MRTFA: variants seen among roughly 807,000 people sequenced by gnomAD.
MRTFA encodes the protein myocardin related transcription factor A.
MRTFA carries 20 observed loss-of-function variants against 83.5 expected under a neutral mutation model. The observed-to-expected ratio is 0.24, with a 90% CI of 0.17 to 0.35. The LOEUF is 0.35. Among genes scored for constraint, MRTFA ranks in the 10% least tolerant of loss-of-function variants. The pLI is 1.00. For missense variants in MRTFA, 1,200 were observed against 1,224.7 expected (o/e 0.98, Z 0.30); for synonymous variants, 659 against 541.2 (o/e 1.22, Z -3.02).
chr22:40,446,271 A>G (rs1225343240), intron 4 of MRTFA, among the ~76,000 whole-genome samples: 1 of 152,212 alleles, frequency 6.6e-6, no homozygotes, highest in Non-Finnish European at 1.5e-5. Flanking sequence ...ATTTTTACAA[A>G]ATTGATTTTT....
At chr22:40,494,803 A>C (rs1325861793) in intron 3 of MRTFA, among the ~76,000 whole-genome samples, 2 of 152,208 alleles carry the variant, frequency 1.3e-5, no homozygotes, top group Admixed American at 6.5e-5. Context: ...CTATTATGCT[A>C]AAAGAAGCCA....
rs746175814 is a variant in MRTFA at position 40,610,932 on chromosome 22, C to CTT, written c.-83-16199_-83-16198dup. ...CACCAAAGAGAGTTGTTTTCTTTTA[C>CTT]TTTTTTTTTTTTTTTTTTTTTTTGA... On this transcript the variant is annotated intron_variant, in intron 1 of 14. Coordinates refer to ENST00000355630, the MANE Select transcript of MRTFA (RefSeq NM_020831.6). Among the ~76,000 whole-genome samples, 310 of 108,242 alleles carry CTT rather than the reference C, an allele frequency of 2.9e-3. 3 individuals are homozygous for CTT. Among genetic ancestry groups the CTT allele is most frequent in the Middle Eastern group, 0.018 (3 of 168 alleles). The allele number at this position is 108,242 out of a possible 152,430, so 71.0% of individuals were successfully genotyped here. A position where few individuals can be genotyped will look rare whatever the true frequency, so the allele number is the denominator to read the frequency against.
chr22:40,503,426 G>A (rs771266132), intron 3 of MRTFA, among the ~76,000 whole-genome samples: 7 of 152,154 alleles, frequency 4.6e-5, no homozygotes, highest in Non-Finnish European at 1.0e-4. Flanking sequence ...GGCTGGGATG[G>A]TCTCGAACCC....
At chr22:40,447,865 T>C (rs533145281) in intron 4 of MRTFA, among the ~76,000 whole-genome samples, 3 of 152,286 alleles carry the variant, frequency 2.0e-5, no homozygotes, top group South Asian at 2.1e-4. Flanking sequence ...TATTTACATA[T>C]ATTTCATCAA....
chr22:40,608,380 T>C (rs6001980), intron 1 of MRTFA, among the ~76,000 whole-genome samples: 15,545 of 152,144 alleles, frequency 0.1, 945 homozygotes, highest in East Asian at 0.25. Context: ...GGTTAGACAA[T>C]TTGTTCAGTA....
intron 4 of MRTFA, among the ~76,000 whole-genome samples, chr22:40,458,001 C>G (rs2053627058): frequency 6.6e-6 from 1 of 152,142 alleles, no homozygotes; most frequent in African/African-American, 2.4e-5. Flanking sequence ...CCTTGTACAC[C>G]TTTAAACATC....
chr22:40,475,340 C>A (rs930607298), intron 3 of MRTFA, among the ~76,000 whole-genome samples: 3 of 151,820 alleles, frequency 2.0e-5, no homozygotes, highest in Non-Finnish European at 4.4e-5. Context: ...GAGTTCGAGA[C>A]CAGCCTGGCC....
chr22:40,429,233 C>T (rs941671798), intron 7 of MRTFA: 25 of 591,768 alleles, frequency 4.2e-5, no homozygotes, highest in Admixed American at 3.0e-4. Flanking sequence ...GAAGAGACTT[C>T]ACTAATAAAG....
intron 1 of MRTFA, among the ~76,000 whole-genome samples, chr22:40,635,962 G>A (rs950601134): frequency 1.3e-5 from 2 of 152,126 alleles, no homozygotes; most frequent in Admixed American, 1.3e-4. Flanking sequence ...TTTCTTAGGA[G>A]GTAAAGTTCT....
intron 2 of MRTFA, among the ~76,000 whole-genome samples, chr22:40,585,151 G>C (rs1008001223): frequency 6.6e-6 from 1 of 152,222 alleles, no homozygotes; most frequent in Non-Finnish European, 1.5e-5. Flanking sequence ...GAAGGGAAGA[G>C]GAAACAAGGC....
intron 5 of MRTFA, 63 bp from the exon 6 acceptor site, chr22:40,431,543 A>T: frequency 6.7e-7 from 1 of 1,486,728 alleles, no homozygotes; most frequent in Non-Finnish European, 9.4e-7. Flanking sequence ...CATGGACAGG[A>T]TCACAACAGC....
At chr22:40,631,407 G>A (rs112228276) in intron 1 of MRTFA, among the ~76,000 whole-genome samples, 91 of 152,236 alleles carry the variant, frequency 6.0e-4, no homozygotes, top group African/African-American at 2.1e-3. Context: ...GCAACAATAT[G>A]AAGCAGGCCC....
chr22:40,471,220 A>T lies in MRTFA; in HGVS notation c.242-7934T>A, dbSNP rs1260080098. Among the ~76,000 whole-genome samples the T allele has an allele frequency of 1.4e-3, 8 of 5,738 alleles. No individual in the cohort carries two copies. The East Asian group carries it at 0.023, about 16-fold the overall frequency. 3.8% of individuals were successfully genotyped at this position (5,738 alleles called of 152,430 possible). A position where few individuals can be genotyped will look rare whatever the true frequency, so the allele number is the denominator to read the frequency against. ...AACATGACAAAGCCCTGTTTCTATTAAAAAAAAAAAAAAAAAAAAAAAAAA... is the reference window on the plus strand; with the variant it reads ...AACATGACAAAGCCCTGTTTCTATTTAAAAAAAAAAAAAAAAAAAAAAAAA... On this transcript the variant is annotated intron_variant, in intron 3 of 14. Coordinates refer to ENST00000355630, the MANE Select transcript of MRTFA (RefSeq NM_020831.6).
At chr22:40,452,888 C>T (rs1293386620) in intron 4 of MRTFA, among the ~76,000 whole-genome samples, 2 of 151,834 alleles carry the variant, frequency 1.3e-5, no homozygotes, top group African/African-American at 2.4e-5. Context: ...TTCTTCGGAC[C>T]GAACCATGAA....
At chr22:40,516,480 C>T (rs1569306956) in intron 3 of MRTFA, among the ~76,000 whole-genome samples, 1 of 146,556 alleles carries the variant, frequency 6.8e-6, no homozygotes, top group Non-Finnish European at 1.5e-5. Flanking sequence ...TGAAAGCCTT[C>T]TCAGAAGAGA....
chr22:40,575,285 T>G (rs1482978911), intron 2 of MRTFA, among the ~76,000 whole-genome samples: 1 of 152,160 alleles, frequency 6.6e-6, no homozygotes, highest in East Asian at 1.9e-4. Context: ...GAGAAGATAC[T>G]CAAACGCTCA....
At chr22:40,555,947 A>C (rs1006625252) in intron 2 of MRTFA, among the ~76,000 whole-genome samples, 2 of 152,100 alleles carry the variant, frequency 1.3e-5, no homozygotes, top group African/African-American at 4.8e-5. Flanking sequence ...CCCTAAGAAT[A>C]ATTTTTATAA....
rs133041 is a variant in MRTFA at position 40,622,481 on chromosome 22, C to CA, written c.-84+13996dup. Among the ~76,000 whole-genome samples the CA allele has an allele frequency of 8.6e-3, 1,150 of 133,866 alleles. 23 individuals carry two copies. The highest frequency in any genetic ancestry group is 0.03 in the African/African-American group (1,088 of 36,664). 87.8% of individuals were successfully genotyped at this position (133,866 alleles called of 152,430 possible). Reference sequence around the variant, plus strand: ...GGGTGACAGAGCGAGACTCCCATCTCAAAAAAAAAAAGAATTATCCAGGTG... The same window carrying CA: ...GGGTGACAGAGCGAGACTCCCATCTCAAAAAAAAAAAAGAATTATCCAGGTG... On this transcript the variant is annotated intron_variant, in intron 1 of 14. Transcript: ENST00000355630.
rs751719780 is a variant in MRTFA at position 40,411,935 on chromosome 22, A to G, written c.2579-28T>C. On this transcript the variant is annotated intron_variant, in intron 14 of 14. Transcript: ENST00000355630. ...GCCAATCAATCAAGAGAGTAAATGG[A>G]TATCAGAAGCCAAGCCTGTATATCT... The G allele has an allele frequency of 6.9e-6, 10 of 1,454,998 alleles. No individual in the cohort carries two copies. The South Asian group carries it at 8.0e-5, about 12-fold the overall frequency. The allele number at this position is 1,454,998 out of a possible 1,614,324, so 90.1% of individuals were successfully genotyped here.
Sources: allele counts gnomAD v4.1 joint callset (sites outside exome capture counted in the v4.1 genomes callset), GRCh38; gene constraint gnomAD v4.1.1; transcripts MANE v1.5; gene names NCBI Gene and HGNC (gene_info 2026-07-23, HGNC 2026-07-21).